Variants in SLC22A7 observed in about 807,000 individuals in gnomAD.
SLC22A7 encodes the protein hOAT2.
In SLC22A7, 48 loss-of-function variants were observed where a neutral mutation model predicts 62.2. That is an observed-to-expected ratio of 0.77 (90% confidence interval 0.61 to 0.98). The LOEUF is 0.98. SLC22A7 is among the 50% of genes least tolerant of loss of function. The pLI is 0.00. For synonymous variants in SLC22A7, 276 were observed against 314.8 expected, an observed-to-expected ratio of 0.88 and a Z score of 1.30; for missense variants, 581 against 703.8, an observed-to-expected ratio of 0.83 and a Z score of 1.97.
At position 43,299,091 on chromosome 6, in the gene SLC22A7, G is replaced by C; in HGVS notation, c.394-1G>C. ...TTCTTTTCTCCCTTCCTCTTTTCCAGTCCCAGGTCGGTATTTACATAATCC... is the reference window on the plus strand; with the variant it reads ...TTCTTTTCTCCCTTCCTCTTTTCCACTCCCAGGTCGGTATTTACATAATCC... On this transcript the variant is annotated splice_acceptor_variant, in intron 1 of 10. Transcript: ENST00000372585. LOFTEE classifies it high-confidence loss of function. The surrounding 1 kb of genome is among the most constrained non-coding windows in gnomAD (Gnocchi z 4.4). 6.2e-7 allele frequency: 1 copy of C among 1,604,536 alleles called. No homozygotes were observed. The highest frequency in any genetic ancestry group is 8.5e-7 in the Non-Finnish European group (1 of 1,174,484).
chr6:43,299,719 C>T lies in SLC22A7; in HGVS notation c.596C>T (p.Ala199Val). ...GCCTCCGTCAGCTATGTAATGTTTG[C>T]CATCACCCGCACCCTTACTGGCTCA... ...SAASVSYVMF[A>V]ITRTLTGSAL... Residue 199 changes from alanine (A) to valine (V), a missense_variant, in exon 4 of 11, where the codon GCC (alanine) becomes GTC (valine). Ala to Val is a moderately conservative substitution (Grantham distance 64). Transcript: ENST00000372585. This position sits in a 1 kb window ranked among gnomAD's most constrained non-coding sequence, Gnocchi z 4.4. 1 of 1,614,194 alleles carries T rather than the reference C, an allele frequency of 6.2e-7. No homozygotes were observed. Among genetic ancestry groups the T allele is most frequent in the Non-Finnish European group, 8.5e-7 (1 of 1,180,030 alleles).
In SLC22A7 at chr6:43,299,543, C is replaced by T; in HGVS notation, c.503+50C>T. 1 of 1,605,804 alleles carries T rather than the reference C, an allele frequency of 6.2e-7. No homozygotes were observed. Among genetic ancestry groups the T allele is most frequent in the Non-Finnish European group, 8.5e-7 (1 of 1,174,302 alleles). ...AGAAACTGGCTGGGGGAACTTTCTCCCACTAGCTGGGGTATGAGCCTAGTC... is the reference window on the plus strand; with the variant it reads ...AGAAACTGGCTGGGGGAACTTTCTCTCACTAGCTGGGGTATGAGCCTAGTC... On this transcript the variant is annotated intron_variant, in intron 3 of 10. Coordinates refer to ENST00000372585, the MANE Select transcript of SLC22A7 (RefSeq NM_153320.2). This position sits in a 1 kb window ranked among gnomAD's most constrained non-coding sequence, Gnocchi z 4.4.
intron 6 of SLC22A7, 76 bp from the exon 7 acceptor site, chr6:43,301,507 T>C (rs1391857329): frequency 4.2e-6 from 5 of 1,201,450 alleles, no homozygotes; most frequent in Non-Finnish European, 6.1e-6. Context: ...TAGAGAGGGG[T>C]GGGGGGAGAG....
rs768630148 is a variant in SLC22A7, at chr6:43,301,722, G to C, written c.1061+30G>C. On this transcript the variant is annotated intron_variant, in intron 7 of 10. Transcript: ENST00000372585. ...GGAGGCTGGCTTGGGTCTGGCATGG[G>C]TGTGGTGGGAGGGAGGAGCAAACTC... 2.6e-6 allele frequency: 4 copies of C among 1,539,576 alleles called. No homozygotes were observed. In the South Asian group the frequency reaches 3.4e-5, roughly 13 times the overall value.
At chr6:43,303,928 G>T in intron 9 of SLC22A7, 110 bp from the exon 10 acceptor site, 2 of 882,394 alleles carry the variant, frequency 2.3e-6, no homozygotes, top group South Asian at 5.0e-5. Context: ...TTAGCTATAT[G>T]GGGAGAAGGG....
At position 43,304,103 on chromosome 6, in the gene SLC22A7, C is replaced by G; in HGVS notation, c.1451C>G (p.Ala484Gly). The G allele has an allele frequency of 6.2e-7, 1 of 1,601,508 alleles. No homozygotes were observed. Among genetic ancestry groups the G allele is most frequent in the Non-Finnish European group, 8.5e-7 (1 of 1,172,606 alleles). Residue 484 changes from alanine to glycine, a missense_variant, in exon 10 of 11, where the codon GCC (alanine) becomes GGC (glycine). Coordinates refer to ENST00000372585, the MANE Select transcript of SLC22A7 (RefSeq NM_153320.2). ...RLGGSLAPLAALLDGVWLSLP... is the reference protein window; with the variant it reads ...RLGGSLAPLAGLLDGVWLSLP... ...GGGGGCTCTTTGGCCCCACTGGCGG[C>G]CTTGCTGGATGGAGTGTGGCTGTCA...
chr6:43,299,288 A>T lies in SLC22A7; in HGVS notation c.400-102A>T. ...TCTGGCATGGAGGTACCAGAATGGC[A>T]GAGTTCGCCTCAGAAGGCTCCAGGG... On this transcript the variant is annotated intron_variant, in intron 2 of 10. Coordinates refer to ENST00000372585, the MANE Select transcript of SLC22A7 (RefSeq NM_153320.2). The surrounding 1 kb of genome is among the most constrained non-coding windows in gnomAD (Gnocchi z 4.4). 1 of 1,603,256 alleles carries T rather than the reference A, an allele frequency of 6.2e-7. No individual in the cohort carries two copies. The highest frequency in any genetic ancestry group is 1.1e-5 in the South Asian group (1 of 89,762).
Position 43,302,387 on chromosome 6 carries a change from T to C in SLC22A7, c.1249T>C (p.Phe417Leu). The change falls in exon 8 of 11, where the codon TTC becomes CTC. Residue 417 changes from phenylalanine (F) to leucine (L), a missense_variant. By Grantham distance (22) the Phe-to-Leu change is conservative (BLOSUM62 0). Transcript: ENST00000372585. This position sits in a 1 kb window ranked among gnomAD's most constrained non-coding sequence, Gnocchi z 5.0. ...GACACTGCTGGGCACGGCCCTGGCG[T>C]TCGGCACTAGACTGCTAGTGTCCTC... ...AGTLLGTALA[F>L]GTRLLVSSDM... 1 of 1,606,408 alleles carries C rather than the reference T, an allele frequency of 6.2e-7. No individual in the cohort carries two copies. Among genetic ancestry groups the C allele is most frequent in the Non-Finnish European group, 8.5e-7 (1 of 1,177,496 alleles).
In SLC22A7 at chr6:43,298,715, C is replaced by G; in HGVS notation, c.357C>G (p.Tyr119Ter). 6.6e-7 allele frequency: 1 copy of G among 1,526,674 alleles called. No individual in the cohort carries two copies. Among genetic ancestry groups the G allele is most frequent in the East Asian group, 2.3e-5 (1 of 44,152 alleles). The allele number at this position is 1,526,674 out of a possible 1,614,324, so 94.6% of individuals were successfully genotyped here. ...ATVPCSQGWE[Y>*]DHSEFSSTIA... ...TGCCCTGCTCTCAGGGCTGGGAGTA[C>G]GACCACTCAGAATTCTCCTCTACCA... Residue 119 changes from tyrosine to a stop codon, truncating the protein, a stop_gained, in exon 1 of 11, where the codon TAC (tyrosine) becomes TAG (stop). Transcript: ENST00000372585. LOFTEE classifies it high-confidence loss of function.
In SLC22A7 at chr6:43,302,260, C is replaced by G. The variant is rs760343501; in HGVS notation, c.1122C>G (p.Asn374Lys). The G allele has an allele frequency of 6.2e-7, 1 of 1,611,546 alleles. No homozygotes were observed. Among genetic ancestry groups the G allele is most frequent in the African/African-American group, 1.3e-5 (1 of 75,010 alleles). ...TGGATGTGTCGGGGCTGGGGCTGAA[C>G]GTGTACCAGACACAGCTGTTGTTCG... The part of the protein sequence containing the change: ...LSLDVSGLGL[N>K]VYQTQLLFGA... Residue 374 changes from asparagine to lysine, a missense_variant, in exon 8 of 11, where the codon AAC (asparagine) becomes AAG (lysine). Coordinates refer to ENST00000372585, the MANE Select transcript of SLC22A7 (RefSeq NM_153320.2). The surrounding 1 kb of genome is among the most constrained non-coding windows in gnomAD (Gnocchi z 5.0).
intron 9 of SLC22A7, among the ~76,000 whole-genome samples, chr6:43,303,766 T>G (rs1364389458): frequency 6.6e-6 from 1 of 152,188 alleles, no homozygotes; most frequent in Non-Finnish European, 1.5e-5. Context: ...CACCCTTTCC[T>G]TATCTCCCAG....
upstream of SLC22A7, chr6:43,298,194 G>A: frequency 1.6e-6 from 1 of 615,998 alleles, no homozygotes; most frequent in East Asian, 2.9e-5. Flanking sequence ...CTGATGGCTG[G>A]GGAGGGCCCA....
rs1163669464 is a variant in SLC22A7 at position 43,299,169 on chromosome 6, A to G, written c.399+72A>G. On this transcript the variant is annotated intron_variant, in intron 2 of 10. Coordinates refer to ENST00000372585, the MANE Select transcript of SLC22A7 (RefSeq NM_153320.2). The surrounding 1 kb of genome is among the most constrained non-coding windows in gnomAD (Gnocchi z 4.4). Reference sequence around the variant, plus strand: ...AGTCTCCCTGGGAGGCAGCAGGTCGAGGCCTTCCTTGGGAAGAAGCTGAGG... The same window carrying G: ...AGTCTCCCTGGGAGGCAGCAGGTCGGGGCCTTCCTTGGGAAGAAGCTGAGG... 1.2e-6 allele frequency: 2 copies of G among 1,614,176 alleles called. No homozygotes were observed. The highest frequency in any genetic ancestry group is 2.7e-5 in the African/African-American group (2 of 75,050).
At position 43,301,177 on chromosome 6, in the gene SLC22A7, T is replaced by C; in HGVS notation, c.870T>C (p.His290=). The change falls in exon 6 of 11, where the codon CAT becomes CAC. Residue 290 remains histidine (H), a synonymous_variant. Transcript: ENST00000372585. Reference sequence around the variant, plus strand: ...CACGCTGGCTTCTGACCCAAGGCCATGTGAAAGAGGCCCACAGGTACTTGC... The same window carrying C: ...CACGCTGGCTTCTGACCCAAGGCCACGTGAAAGAGGCCCACAGGTACTTGC... ...ESARWLLTQG[H]VKEAHRYLLH... is the part of the protein sequence containing the mutation. The C allele has an allele frequency of 6.2e-7, 1 of 1,614,176 alleles. No homozygotes were observed. The highest frequency in any genetic ancestry group is 8.5e-7 in the Non-Finnish European group (1 of 1,180,026).
intron 9 of SLC22A7, among the ~76,000 whole-genome samples, chr6:43,303,493 T>G (rs1778829587): frequency 2.0e-5 from 3 of 149,318 alleles, no homozygotes; most frequent in South Asian, 2.1e-4. Flanking sequence ...TAAATAATAA[T>G]AATAATAAGA....
upstream of SLC22A7, chr6:43,298,187 A>G (rs1387226336): frequency 6.6e-6 from 4 of 601,758 alleles, no homozygotes; most frequent in African/African-American, 7.5e-5. Flanking sequence ...TGGAGACCTG[A>G]TGGCTGGGGA....
chr6:43,302,278 G>A lies in SLC22A7; in HGVS notation c.1140G>A (p.Leu380=), dbSNP rs1778779983. The A allele has an allele frequency of 2.5e-6, 4 of 1,613,486 alleles. No individual in the cohort carries two copies. The highest frequency in any genetic ancestry group is 1.3e-5 in the African/African-American group (1 of 75,036). ...GGCTGAACGTGTACCAGACACAGCT[G>A]TTGTTCGGGGCTGTGGAACTGCCCT... ...GLGLNVYQTQ[L]LFGAVELPSK... The change falls in exon 8 of 11, where the codon CTG becomes CTA. Residue 380 remains leucine, a synonymous_variant. Coordinates refer to ENST00000372585, the MANE Select transcript of SLC22A7 (RefSeq NM_153320.2). The surrounding 1 kb of genome is among the most constrained non-coding windows in gnomAD (Gnocchi z 5.0).
intron 9 of SLC22A7, among the ~76,000 whole-genome samples, chr6:43,303,721 G>A (rs948567187): frequency 8.5e-5 from 13 of 152,174 alleles, no homozygotes; most frequent in South Asian, 2.1e-4. Flanking sequence ...ACATGGCAGG[G>A]CCTGTACAAA....
At chr6:43,300,678 T>C (rs1032667147) in intron 5 of SLC22A7, among the ~76,000 whole-genome samples, 1 of 152,194 alleles carries the variant, frequency 6.6e-6, no homozygotes, top group African/African-American at 2.4e-5. Context: ...GCTCTGTCGC[T>C]GGAGTACAGT....
Sources: gnomAD v4.1 joint callset for allele counts (sites outside exome capture counted in the v4.1 genomes callset) on GRCh38, gnomAD v4.1.1 for gene constraint, Gnocchi (gnomAD v3.1) non-coding constraint, MANE v1.5 for transcripts, NCBI Gene and HGNC (gene_info 2026-07-23, HGNC 2026-07-21) for gene names.